The following CASQ2 variants were observed in gnomAD, a reference collection of about 807,000 sequenced individuals.
CASQ2 encodes the protein calsequestrin 2.
CASQ2 carries 49 observed loss-of-function variants against 46.5 expected under a neutral mutation model. That is an observed-to-expected ratio of 1.05 (90% CI 0.84 to 1.34). The LOEUF (loss-of-function observed/expected upper bound fraction) is 1.34. Among genes scored for constraint, CASQ2 ranks in the 40% most tolerant of loss-of-function variants. The pLI, the probability that CASQ2 is intolerant of heterozygous loss-of-function variation, is 0.00. For synonymous variants in CASQ2, 174 were observed against 168.5 expected, an observed-to-expected ratio of 1.03 and a Z score of -0.25; for missense variants, 486 against 481.3, an observed-to-expected ratio of 1.01 and a Z score of -0.09.
At chr1:115,757,900 C>G (rs1648816928) in intron 1 of CASQ2, among the ~76,000 whole-genome samples, 1 of 152,072 alleles carries the variant, frequency 6.6e-6, no homozygotes, top group Non-Finnish European at 1.5e-5. Flanking sequence ...AATTCTTGAC[C>G]TTTCCCTTCT....
rs534608327 is a variant in CASQ2, at chr1:115,730,380, T to C, written c.606+2521A>G. On this transcript the variant is annotated intron_variant, in intron 5 of 10. Coordinates refer to ENST00000261448, the MANE Select transcript of CASQ2 (RefSeq NM_001232.4). The stretch of plus-strand genomic sequence containing the variant: ...CTTTTGAACTTTCTGTCTTTCCATC[T>C]TCTCTTTCCCACAATAAACTTTAAA... 4.3e-4 allele frequency among the ~76,000 whole-genome samples: 66 copies of C among 152,350 alleles called. 1 individual carries two copies. The South Asian group carries it at 0.014, about 32-fold the overall frequency.
chr1:115,761,428 A>AGAG, intron 1 of CASQ2, among the ~76,000 whole-genome samples: 1 of 2,110 alleles, frequency 4.7e-4, no homozygotes, highest in Non-Finnish European at 7.9e-4. Context: ...AAGAAGAAGA[A>AGAG]GAAGAAGAAG....
intron 7 of CASQ2, among the ~76,000 whole-genome samples, chr1:115,723,323 A>ATCTATCTG (rs1647457562): frequency 6.6e-6 from 1 of 151,776 alleles, no homozygotes; most frequent in South Asian, 2.1e-4. Flanking sequence ...CTATCTATCT[A>ATCTATCTG]TCTATCTATC....
At chr1:115,761,769 T>A (rs1472381120) in intron 1 of CASQ2, among the ~76,000 whole-genome samples, 1 of 152,032 alleles carries the variant, frequency 6.6e-6, no homozygotes, top group African/African-American at 2.4e-5. Context: ...TTACCCAGGA[T>A]TATGATTCTT....
chr1:115,728,063 C>A (rs566970278), intron 5 of CASQ2, among the ~76,000 whole-genome samples: 1 of 152,128 alleles, frequency 6.6e-6, no homozygotes, highest in Non-Finnish European at 1.5e-5. Flanking sequence ...TTCAAGAAAG[C>A]GCAGGGATGA....
intron 6 of CASQ2, among the ~76,000 whole-genome samples, chr1:115,726,420 A>G (rs563170428): frequency 1.3e-5 from 2 of 152,254 alleles, no homozygotes; most frequent in Admixed American, 6.5e-5. Flanking sequence ...TAGTTGCTAC[A>G]GACGCCATCT....
At chr1:115,724,570 T>A (rs975848923) in intron 7 of CASQ2, among the ~76,000 whole-genome samples, 1 of 152,224 alleles carries the variant, frequency 6.6e-6, no homozygotes, top group Non-Finnish European at 1.5e-5. Context: ...CTTTGTTATT[T>A]ATGAACTTCT....
At chr1:115,702,844 T>C in intron 10 of CASQ2, 77 bp downstream of exon 10, 1 of 1,129,100 alleles carries the variant, frequency 8.9e-7, no homozygotes, top group Non-Finnish European at 1.3e-6. Flanking sequence ...CTATAGATGC[T>C]CTCACAATCT....
At chr1:115,725,599 A>G in intron 6 of CASQ2, 46 bp from the exon 7 acceptor site, 20 of 1,533,700 alleles carry the variant, frequency 1.3e-5, no homozygotes, top group Non-Finnish European at 1.8e-5. Flanking sequence ...TTCCTTGAGT[A>G]GGGATCACTG....
At chr1:115,727,289 C>A (rs1161154732) in intron 5 of CASQ2, among the ~76,000 whole-genome samples, 167 bp from the exon 6 acceptor site, 3 of 152,076 alleles carry the variant, frequency 2.0e-5, no homozygotes, top group Admixed American at 2.0e-4. Flanking sequence ...CAAGGCCTGG[C>A]TAGACTAATC....
At chr1:115,765,798 C>T (rs1485840823) in intron 1 of CASQ2, among the ~76,000 whole-genome samples, 1 of 152,104 alleles carries the variant, frequency 6.6e-6, no homozygotes, top group African/African-American at 2.4e-5. Context: ...GACCACACTG[C>T]CTGTTGGATG....
intron 1 of CASQ2, among the ~76,000 whole-genome samples, chr1:115,767,868 C>T (rs181792496): frequency 9.1e-4 from 139 of 152,270 alleles, no homozygotes; most frequent in Non-Finnish European, 1.6e-3. Context: ...CCCAGAGAGA[C>T]GCAAGGTCAA....
chr1:115,715,201 A>G (rs1335914643), intron 8 of CASQ2, among the ~76,000 whole-genome samples: 2 of 152,140 alleles, frequency 1.3e-5, no homozygotes, highest in Admixed American at 6.5e-5. Context: ...TTCCTTTGCT[A>G]TTTGCTCCTC....
intron 1 of CASQ2, among the ~76,000 whole-genome samples, chr1:115,751,238 A>G (rs1243548870): frequency 1.3e-5 from 2 of 152,250 alleles, no homozygotes; most frequent in African/African-American, 4.8e-5. Context: ...GCCAATTCAA[A>G]AATGCCATAG....
At chr1:115,721,636 T>C (rs1647378546) in intron 7 of CASQ2, among the ~76,000 whole-genome samples, 1 of 152,170 alleles carries the variant, frequency 6.6e-6, no homozygotes. Context: ...CAGTGGCACA[T>C]CTCAGCTCAC....
chr1:115,718,025 C>G (rs1647225668), intron 7 of CASQ2, 131 bp from the exon 8 acceptor site: 3 of 736,530 alleles, frequency 4.1e-6, no homozygotes, highest in Non-Finnish European at 7.4e-6. Flanking sequence ...GGGATGAACA[C>G]AGAAGCACAG....
rs1207661740 is a variant in CASQ2 at position 115,743,232 on chromosome 1, T to TATTTATTC, written c.319+1595_319+1596insGAATAAAT. Among the ~76,000 whole-genome samples the TATTTATTC allele has an allele frequency of 2.5e-4, 37 of 147,498 alleles. 1 individual carries two copies. Among genetic ancestry groups the TATTTATTC allele is most frequent in the Middle Eastern group, 6.8e-3 (2 of 292 alleles). On this transcript the variant is annotated intron_variant, in intron 2 of 10. Transcript: ENST00000261448. ...TTATTTATTTATTTATTTATTTATT[T>TATTTATTC]ATTCATTCATTCATTTATTTTGAGA...
intron 3 of CASQ2, among the ~76,000 whole-genome samples, chr1:115,739,124 C>CTTTTTTTTTT (rs1299140156): frequency 1.0e-5 from 1 of 99,522 alleles, no homozygotes; most frequent in Non-Finnish European, 2.2e-5. Context: ...TCTTTTCTTT[C>CTTTTTTTTTT]TTTTTGAGAT....
intron 4 of CASQ2, among the ~76,000 whole-genome samples, chr1:115,735,454 A>G (rs1357585612): frequency 2.6e-5 from 4 of 152,250 alleles, no homozygotes; most frequent in South Asian, 2.1e-4. Context: ...ATCTTGCTAA[A>G]CACCTACTTG....
Sources: allele counts gnomAD v4.1 joint callset (sites outside exome capture counted in the v4.1 genomes callset), GRCh38; gene constraint gnomAD v4.1.1; transcripts MANE v1.5; gene names NCBI Gene and HGNC (gene_info 2026-07-23, HGNC 2026-07-21).